Variants in XPR1 observed in about 807,000 individuals in gnomAD.
XPR1 encodes the protein xenotropic and polytropic retrovirus receptor 1, also known as solute carrier family 53 member 1.
XPR1 carries 28 observed loss-of-function variants against 87.5 expected under a neutral mutation model. The observed-to-expected ratio is 0.32, with a 90% CI of 0.24 to 0.44. The LOEUF (loss-of-function observed/expected upper bound fraction) is 0.44, where lower values mean the gene tolerates loss of function less well. Among genes scored for constraint, XPR1 ranks in the 20% least tolerant of loss-of-function variants. The pLI, the probability that XPR1 is intolerant of heterozygous loss-of-function variation, is 1.00. For missense variants in XPR1, 559 were observed against 862.3 expected (o/e 0.65, Z 4.41); for synonymous variants, 300 against 306.1 (o/e 0.98, Z 0.21).
intron 2 of XPR1, among the ~76,000 whole-genome samples, chr1:180,696,932 T>C (rs1054349627): frequency 5.9e-5 from 9 of 152,202 alleles, no homozygotes; most frequent in Admixed American, 5.2e-4. Context: ...GTCAGAGATA[T>C]TGGCCTGTAG....
At chr1:180,791,982 C>T (rs1278108037) in intron 3 of XPR1, among the ~76,000 whole-genome samples, 2 of 152,318 alleles carry the variant, frequency 1.3e-5, no homozygotes, top group East Asian at 3.9e-4. Context: ...TCTTGATGTC[C>T]TCACTGGTAC....
intron 2 of XPR1, among the ~76,000 whole-genome samples, chr1:180,711,017 G>A (rs1480484644): frequency 6.6e-6 from 1 of 151,428 alleles, no homozygotes; most frequent in Non-Finnish European, 1.5e-5. Flanking sequence ...TCTCAGACGG[G>A]TGGCTGCCGG....
intron 5 of XPR1, 120 bp from the exon 6 acceptor site, chr1:180,806,354 T>C: frequency 1.4e-6 from 2 of 1,446,570 alleles, no homozygotes; most frequent in South Asian, 1.4e-5. Flanking sequence ...TCATTTTCTT[T>C]ATCAGTATAT....
intron 1 of XPR1, among the ~76,000 whole-genome samples, chr1:180,662,910 G>T (rs1012431984): frequency 6.6e-6 from 1 of 151,896 alleles, no homozygotes; most frequent in African/African-American, 2.4e-5. Context: ...CTGTTATTAA[G>T]AGACTCTAAT....
intron 1 of XPR1, among the ~76,000 whole-genome samples, chr1:180,672,468 ATT>A (rs1193381124): frequency 1.3e-5 from 2 of 152,138 alleles, no homozygotes; most frequent in South Asian, 4.1e-4. Flanking sequence ...GTTTATTTGT[ATT>A]TTGGGATAGA....
At chr1:180,699,015 G>T (rs1009214761) in intron 2 of XPR1, among the ~76,000 whole-genome samples, 1 of 151,988 alleles carries the variant, frequency 6.6e-6, no homozygotes, top group Non-Finnish European at 1.5e-5. Context: ...AATCTGTTTG[G>T]GAATTATTGA....
Position 180,887,908 on chromosome 1 carries a change from C to T in XPR1, c.*3842C>T, listed in dbSNP as rs1184433242. 1 of 152,126 alleles carries T rather than the reference C, an allele frequency of 6.6e-6. No individual in the cohort carries two copies. The highest frequency in any genetic ancestry group is 1.5e-5 in the Non-Finnish European group (1 of 68,036). The allele number at this position is 152,126 out of a possible 1,614,324, so 9.4% of individuals were successfully genotyped here. A position where few individuals can be genotyped will look rare whatever the true frequency, so the allele number is the denominator to read the frequency against. On this transcript the variant is annotated 3_prime_UTR_variant, in exon 15 of 15. Transcript: ENST00000367590. ...CCATTTCTGGATAGGTGAACTACGG[C>T]AAGGTAAGAACAGAAAAAAGTAAAG... is the stretch of plus-strand genomic sequence containing the variant.
At chr1:180,642,349 A>G (rs780091241) in intron 1 of XPR1, among the ~76,000 whole-genome samples, 1 of 152,318 alleles carries the variant, frequency 6.6e-6, no homozygotes, top group South Asian at 2.1e-4. Flanking sequence ...AAGTCAGAGC[A>G]TATATGGGTA....
intron 2 of XPR1, among the ~76,000 whole-genome samples, chr1:180,743,333 C>T (rs976631233): frequency 5.3e-5 from 8 of 151,398 alleles, no homozygotes; most frequent in African/African-American, 9.7e-5. Flanking sequence ...TTATAATATA[C>T]ATACTTCACT....
At chr1:180,872,768 AC>A (rs1166809273) in intron 12 of XPR1, among the ~76,000 whole-genome samples, 4 of 149,608 alleles carry the variant, frequency 2.7e-5, no homozygotes, top group Non-Finnish European at 4.4e-5. Flanking sequence ...TGCAGAAATC[AC>A]CCGTCTTCTG....
Position 180,803,531 on chromosome 1 carries a change from G to C in XPR1, c.367G>C (p.Val123Leu). Residue 123 changes from valine (V) to leucine (L), a missense_variant, in exon 4 of 15, where the codon GTC becomes CTC. Around this residue, in one of 7 missense-constraint regions of XPR1, gnomAD observed 159 missense variants for 263.3 expected, o/e 0.60. Coordinates refer to ENST00000367590, the MANE Select transcript of XPR1 (RefSeq NM_004736.4). The stretch of plus-strand genomic sequence containing the variant: ...CTTCCACTTGTCCCATGAGGAACGT[G>C]TCCAACATAGAAATATTAAAGACCT... ...PVFHLSHEER[V>L]QHRNIKDLKL... is the part of the protein sequence containing the mutation. 1 of 1,613,796 alleles carries C rather than the reference G, an allele frequency of 6.2e-7. No homozygotes were observed. The highest frequency in any genetic ancestry group is 2.2e-5 in the East Asian group (1 of 44,888).
chr1:180,727,161 C>T (rs1208033302), intron 2 of XPR1, among the ~76,000 whole-genome samples: 1 of 152,050 alleles, frequency 6.6e-6, no homozygotes, highest in African/African-American at 2.4e-5. Context: ...CCGCGCCTGG[C>T]TTGGCCGTAT....
intron 2 of XPR1, among the ~76,000 whole-genome samples, chr1:180,745,993 G>T (rs1414797000): frequency 3.3e-5 from 5 of 152,222 alleles, no homozygotes; most frequent in Admixed American, 6.5e-5. Flanking sequence ...GAGGTCAGAA[G>T]TCCAAAATGG....
chr1:180,808,957 T>C (rs1229973230), intron 6 of XPR1, among the ~76,000 whole-genome samples: 1 of 152,174 alleles, frequency 6.6e-6, no homozygotes, highest in Non-Finnish European at 1.5e-5. Flanking sequence ...AGTGCAAATA[T>C]ATGTTCATAT....
At chr1:180,854,614 G>A (rs1186306986) in intron 11 of XPR1, among the ~76,000 whole-genome samples, 1 of 152,200 alleles carries the variant, frequency 6.6e-6, no homozygotes, top group Non-Finnish European at 1.5e-5. Flanking sequence ...GTCACCTATC[G>A]TGGCAAAAGC....
chr1:180,846,936 T>C (rs191982706), intron 11 of XPR1, among the ~76,000 whole-genome samples: 5 of 152,292 alleles, frequency 3.3e-5, no homozygotes, highest in Admixed American at 2.6e-4. Context: ...AAGTAGCATT[T>C]GTATTTCTAC....
intron 1 of XPR1, among the ~76,000 whole-genome samples, chr1:180,672,321 G>C (rs1014844694): frequency 1.3e-5 from 2 of 152,120 alleles, no homozygotes; most frequent in Non-Finnish European, 2.9e-5. Context: ...CAGGCTTAAT[G>C]CTTATATACT....
intron 2 of XPR1, among the ~76,000 whole-genome samples, chr1:180,698,669 C>A (rs1260339990): frequency 6.6e-6 from 1 of 152,050 alleles, no homozygotes; most frequent in South Asian, 2.1e-4. Flanking sequence ...TGTAGAATTC[C>A]CTTAAGTATT....
intron 13 of XPR1, among the ~76,000 whole-genome samples, chr1:180,877,487 T>C (rs1320282282): frequency 6.6e-6 from 1 of 152,110 alleles, no homozygotes; most frequent in Non-Finnish European, 1.5e-5. Flanking sequence ...TGGAAAAAAA[T>C]GGTTCCCAGC....
Sources: allele counts gnomAD v4.1 joint callset (sites outside exome capture counted in the v4.1 genomes callset), GRCh38; gene constraint gnomAD v4.1.1; regional missense constraint gnomAD v4.1.1; transcripts MANE v1.5; gene names NCBI Gene and HGNC (gene_info 2026-07-23, HGNC 2026-07-21).